EPB41L1: variants seen among roughly 807,000 people sequenced by gnomAD.
EPB41L1 encodes the protein band 4.1-like protein 1.
A neutral mutation model predicts 97.8 loss-of-function variants in EPB41L1; 29 were observed. The observed-to-expected ratio is 0.30, with a 90% CI of 0.22 to 0.40. EPB41L1 has a LOEUF of 0.40. EPB41L1 is among the 10% of genes least tolerant of loss of function. The probability of loss-of-function intolerance (pLI) is 1.00; values close to 1 mark genes in which losing one functional copy is unlikely to be tolerated. For synonymous variants in EPB41L1, 383 were observed against 459.2 expected (o/e 0.83, Z 2.12); for missense variants, 812 against 1,162.3 (o/e 0.70, Z 4.38).
intron 18 of EPB41L1, 67 bp downstream of exon 18, chr20:36,219,029 T>A (rs2063612984): frequency 2.6e-6 from 4 of 1,530,538 alleles, no homozygotes. Flanking sequence ...GACCCATGTA[T>A]GGCTGGCAGG....
At position 36,190,542 on chromosome 20, in the gene EPB41L1, G is replaced by A; in HGVS notation, c.1125-80G>A. On this transcript the variant is annotated intron_variant, in intron 10 of 21. Transcript: ENST00000338074. This position sits in a 1 kb window ranked among gnomAD's most constrained non-coding sequence, Gnocchi z 5.8. The stretch of plus-strand genomic sequence containing the variant: ...GTTGTAGTTGGTGGAGTAGTGGGAT[G>A]AAAGGCCAGCTGTGGTCTAACCTTG... 1.9e-6 allele frequency: 3 copies of A among 1,591,838 alleles called. No homozygotes were observed. Among genetic ancestry groups the A allele is most frequent in the Non-Finnish European group, 2.6e-6 (3 of 1,163,932 alleles).
Position 36,207,127 on chromosome 20 carries a change from G to A in EPB41L1, c.1669-2361G>A. The stretch of plus-strand genomic sequence containing the variant: ...TCATTCTGAGGACCTGGCAGCTCTG[G>A]AGGAAGCTTCTCCAAGCCCAACCTC... On this transcript the variant is annotated intron_variant, in intron 14 of 21. Coordinates refer to ENST00000338074, the MANE Select transcript of EPB41L1 (RefSeq NM_012156.2). This position sits in a 1 kb window ranked among gnomAD's most constrained non-coding sequence, Gnocchi z 4.9. 1 of 1,289,472 alleles carries A rather than the reference G, an allele frequency of 7.8e-7. No homozygotes were observed. Among genetic ancestry groups the A allele is most frequent in the Non-Finnish European group, 1.0e-6 (1 of 988,574 alleles). The allele number at this position is 1,289,472 out of a possible 1,614,324, so 79.9% of individuals were successfully genotyped here. A position where few individuals can be genotyped will look rare whatever the true frequency, so the allele number is the denominator to read the frequency against.
At chr20:36,222,000 T>C in intron 20 of EPB41L1, 56 bp downstream of exon 20, 1 of 1,563,838 alleles carries the variant, frequency 6.4e-7, no homozygotes, top group Non-Finnish European at 8.8e-7. Flanking sequence ...CAATCCCTCC[T>C]ATGTTGGGTT....
At chr20:36,165,677 C>T (rs551003354) in intron 1 of EPB41L1, among the ~76,000 whole-genome samples, 85 of 152,142 alleles carry the variant, frequency 5.6e-4, no homozygotes, top group African/African-American at 1.9e-3. Flanking sequence ...CCAGCCTGGG[C>T]GACAGAGCGA....
At chr20:36,171,642 G>A (rs2060994151) in intron 1 of EPB41L1, among the ~76,000 whole-genome samples, 1 of 152,196 alleles carries the variant, frequency 6.6e-6, no homozygotes, top group Non-Finnish European at 1.5e-5. Context: ...GGATGCTCAG[G>A]GTCCCTGGCT....
intron 14 of EPB41L1, among the ~76,000 whole-genome samples, chr20:36,204,471 C>CTTTTTTTTTTTTTTT (rs765673962): frequency 1.2e-4 from 11 of 90,602 alleles, no homozygotes; most frequent in African/African-American, 5.8e-4. Flanking sequence ...CGATCTGGTG[C>CTTTTTTTTTTTTTTT]TTTTTTTTTT....
intron 12 of EPB41L1, among the ~76,000 whole-genome samples, chr20:36,194,624 G>T (rs2062105359): frequency 6.6e-6 from 1 of 152,162 alleles, no homozygotes; most frequent in African/African-American, 2.4e-5. Flanking sequence ...CTGTCCCCTA[G>T]AGGACTCAGG....
intron 2 of EPB41L1, among the ~76,000 whole-genome samples, chr20:36,118,996 C>A (rs2058670087): frequency 1.3e-5 from 2 of 152,156 alleles, no homozygotes; most frequent in South Asian, 2.1e-4. Context: ...CTTCTCCAGC[C>A]CTTGATTCAT....
intron 1 of EPB41L1, among the ~76,000 whole-genome samples, chr20:36,156,742 G>A (rs535162998): frequency 5.9e-5 from 9 of 152,312 alleles, no homozygotes; most frequent in East Asian, 1.9e-4. Flanking sequence ...AGAAAGGGCC[G>A]TGGGTGGTCC....
rs767733050 is a variant in EPB41L1, at chr20:36,219,205, C to T, written c.2355+243C>T. Reference sequence around the variant, plus strand: ...GCATTGGTGACATGTGAGGGTAAAGCGGCCCCTCACCTTGGTGGTGCTGCT... The same window carrying T: ...GCATTGGTGACATGTGAGGGTAAAGTGGCCCCTCACCTTGGTGGTGCTGCT... On this transcript the variant is annotated intron_variant, in intron 18 of 21. Coordinates refer to ENST00000338074, the MANE Select transcript of EPB41L1 (RefSeq NM_012156.2). Among the ~76,000 whole-genome samples the T allele has an allele frequency of 5.9e-5, 9 of 152,328 alleles. 1 individual carries two copies. In the South Asian group the frequency reaches 1.7e-3, roughly 28 times the overall value.
intron 1 of EPB41L1, among the ~76,000 whole-genome samples, chr20:36,099,923 A>G (rs2057956000): frequency 6.6e-6 from 1 of 152,196 alleles, no homozygotes; most frequent in Non-Finnish European, 1.5e-5. Flanking sequence ...TCCTGCTGTC[A>G]GGATTAGAAC....
chr20:36,168,001 C>T (rs1363999325), intron 1 of EPB41L1, among the ~76,000 whole-genome samples: 1 of 152,102 alleles, frequency 6.6e-6, no homozygotes, highest in Non-Finnish European at 1.5e-5. Flanking sequence ...ATGTATAAAC[C>T]GGACACCAGT....
upstream of EPB41L1, chr20:36,154,647 G>A: frequency 1.0e-6 from 1 of 965,610 alleles, no homozygotes; most frequent in Non-Finnish European, 1.2e-6. This position sits in a 1 kb window ranked among gnomAD's most constrained non-coding sequence, Gnocchi z 5.5. Context: ...GGGGGCGGGG[G>A]CTGGCCGCGC....
intron 14 of EPB41L1, among the ~76,000 whole-genome samples, chr20:36,200,108 T>G (rs1433010393): frequency 6.6e-6 from 1 of 152,172 alleles, no homozygotes; most frequent in Non-Finnish European, 1.5e-5. Flanking sequence ...TAGGGGCCTT[T>G]GAAGATTTGG....
At chr20:36,203,938 G>C (rs1379001634) in intron 14 of EPB41L1, among the ~76,000 whole-genome samples, 1 of 152,096 alleles carries the variant, frequency 6.6e-6, no homozygotes, top group Non-Finnish European at 1.5e-5. Context: ...CCTCCCTGTG[G>C]GGTGGGATTA....
chr20:36,183,975 C>T (rs1483603505), intron 6 of EPB41L1, among the ~76,000 whole-genome samples: 2 of 152,184 alleles, frequency 1.3e-5, no homozygotes, highest in Non-Finnish European at 2.9e-5. Flanking sequence ...TGGCTCACAC[C>T]TGTAATCCCA....
intron 2 of EPB41L1, among the ~76,000 whole-genome samples, chr20:36,133,514 AC>A (rs1048042597): frequency 1.3e-5 from 2 of 152,222 alleles, no homozygotes; most frequent in Non-Finnish European, 2.9e-5. Context: ...AGACAGAGGT[AC>A]CTTCTTGCTA....
intron 1 of EPB41L1, among the ~76,000 whole-genome samples, chr20:36,095,171 C>G (rs2057789297): frequency 6.6e-6 from 1 of 152,168 alleles, no homozygotes; most frequent in South Asian, 2.1e-4. Context: ...AGGGTTTTGC[C>G]ATGTTGGCCA....
chr20:36,143,146 TG>T (rs1569120340), intron 2 of EPB41L1, among the ~76,000 whole-genome samples: 6 of 129,076 alleles, frequency 4.6e-5, no homozygotes, highest in African/African-American at 2.2e-4. Context: ...TTTGTGTGTG[TG>T]TGTGTGTGTG....
Sources: allele counts gnomAD v4.1 joint callset (sites outside exome capture counted in the v4.1 genomes callset), GRCh38; gene constraint gnomAD v4.1.1; non-coding constraint Gnocchi (gnomAD v3.1); transcripts MANE v1.5; gene names NCBI Gene and HGNC (gene_info 2026-07-23, HGNC 2026-07-21).